The following CTPS1 variants were observed in gnomAD, a reference collection of about 807,000 sequenced individuals.
CTPS1 encodes the protein CTP synthase 1, also known as CTP synthetase 1.
A neutral mutation model predicts 80.5 loss-of-function variants in CTPS1; 25 were observed. The ratio of observed to expected loss-of-function variants is 0.31; its 90% CI spans 0.23 to 0.43. The LOEUF (loss-of-function observed/expected upper bound fraction) is 0.43, where lower values mean the gene tolerates loss of function less well. CTPS1 is among the 20% of genes least tolerant of loss of function. The pLI is 1.00. For missense variants in CTPS1, 442 were observed against 725.7 expected (o/e 0.61, Z 4.49); for synonymous variants, 267 against 252.5 (o/e 1.06, Z -0.54).
intron 1 of CTPS1, 23 bp from the exon 2 acceptor site, chr1:40,983,255 T>C: frequency 1.3e-6 from 2 of 1,599,834 alleles, no homozygotes; most frequent in Non-Finnish European, 1.7e-6. Flanking sequence ...ATTTATATCA[T>C]CTGTAATTTT....
At chr1:41,006,159 A>G in intron 13 of CTPS1, 65 bp downstream of exon 13, 2 of 1,334,868 alleles carry the variant, frequency 1.5e-6, no homozygotes, top group African/African-American at 1.4e-5. Context: ...TATGAACGTG[A>G]TTGATGATTA....
intron 3 of CTPS1, 97 bp downstream of exon 3, chr1:40,985,088 C>A: frequency 1.3e-6 from 1 of 777,454 alleles, no homozygotes; most frequent in Non-Finnish European, 1.8e-6. Context: ...CTTTTGAGTA[C>A]AGAAGTTTAC....
chr1:40,985,590 C>CT (rs1642431373), intron 3 of CTPS1, among the ~76,000 whole-genome samples: 1 of 152,066 alleles, frequency 6.6e-6, no homozygotes, highest in African/African-American at 2.4e-5. Flanking sequence ...TGGAAAACTA[C>CT]TGATCTAGTA....
At chr1:40,995,115 C>G (rs1292264199) in intron 7 of CTPS1, among the ~76,000 whole-genome samples, 1 of 152,152 alleles carries the variant, frequency 6.6e-6, no homozygotes, top group East Asian at 1.9e-4. Context: ...CTGAATGATT[C>G]CAATATGCAG....
At position 41,007,376 on chromosome 1, in the gene CTPS1, A is replaced by G; in HGVS notation, c.1297-73A>G. 7.7e-7 allele frequency: 1 copy of G among 1,295,156 alleles called. No individual in the cohort carries two copies. The highest frequency in any genetic ancestry group is 1.1e-6 in the Non-Finnish European group (1 of 897,578). The allele number at this position is 1,295,156 out of a possible 1,614,324, so 80.2% of individuals were successfully genotyped here. A position where few individuals can be genotyped will look rare whatever the true frequency, so the allele number is the denominator to read the frequency against. ...GCTTACTTACAAGCCTTTGCCACCC[A>G]CTCAGCGAGGGAGGTTTCTCTCTAG... On this transcript the variant is annotated intron_variant, in intron 13 of 18. Coordinates refer to ENST00000650070, the MANE Select transcript of CTPS1 (RefSeq NM_001905.4). The surrounding 1 kb of genome is among the most constrained non-coding windows in gnomAD (Gnocchi z 4.4).
At chr1:40,982,112 G>A (rs1360286375) in intron 1 of CTPS1, 3 of 702,530 alleles carry the variant, frequency 4.3e-6, no homozygotes, top group Non-Finnish European at 6.3e-6. Flanking sequence ...ATCCTCCGTG[G>A]TGAGCCTGTC....
intron 10 of CTPS1, 70 bp from the exon 11 acceptor site, chr1:41,002,090 G>A (rs933311489): frequency 2.3e-5 from 32 of 1,380,114 alleles, no homozygotes; most frequent in Non-Finnish European, 1.6e-5. Context: ...GTAATGGCCC[G>A]TTAGGCGATT....
Position 40,997,470 on chromosome 1 carries a change from G to A in CTPS1, c.949G>A (p.Val317Ile), listed in dbSNP as rs761980609. The change falls in exon 9 of 19, where the codon GTC becomes ATC. Residue 317 changes from valine to isoleucine, a missense_variant. Transcript: ENST00000650070. ...YTKFSDSYAS[V>I]IKALEHSALA... is the part of the protein sequence containing the mutation. ...GAAGTTCTCAGACTCCTATGCCTCT[G>A]TCATTAAGGCTCTGGAGCATTCTGC... 3.1e-6 allele frequency: 5 copies of A among 1,614,072 alleles called. No homozygotes were observed. In the South Asian group the frequency reaches 5.5e-5, roughly 18 times the overall value.
chr1:40,992,835 A>G (rs1642650193), intron 7 of CTPS1, among the ~76,000 whole-genome samples: 1 of 151,674 alleles, frequency 6.6e-6, no homozygotes, highest in Non-Finnish European at 1.5e-5. Context: ...CTTGGATTAC[A>G]GGTGTGCACC....
At chr1:41,010,044 C>T (rs1643130019) in intron 17 of CTPS1, 117 bp from the exon 18 acceptor site, 1 of 653,732 alleles carries the variant, frequency 1.5e-6, no homozygotes, top group Non-Finnish European at 2.8e-6. Context: ...AGCAAACAGT[C>T]TTTGTGATTC....
At chr1:40,999,350 G>A (rs975707825) in intron 9 of CTPS1, among the ~76,000 whole-genome samples, 2 of 152,188 alleles carry the variant, frequency 1.3e-5, no homozygotes, top group African/African-American at 4.8e-5. Context: ...TTACCCTGAG[G>A]TTCAGGAAAC....
chr1:40,981,620 G>T (rs1032152608), intron 1 of CTPS1, among the ~76,000 whole-genome samples: 2 of 152,196 alleles, frequency 1.3e-5, no homozygotes, highest in Non-Finnish European at 2.9e-5. Flanking sequence ...ATACTGTATA[G>T]CAGTGATCAC....
intron 1 of CTPS1, chr1:40,981,226 T>C (rs1419244363): frequency 6.6e-6 from 1 of 152,204 alleles, no homozygotes; most frequent in Non-Finnish European, 1.5e-5. Flanking sequence ...ACAGTAGCTG[T>C]CATGTAAGTC....
chr1:41,010,115 T>G, intron 17 of CTPS1, 46 bp from the exon 18 acceptor site: 90 of 1,409,444 alleles, frequency 6.4e-5, no homozygotes, highest in Non-Finnish European at 8.4e-5. Flanking sequence ...GGACGTAAAG[T>G]GAGTTTTTGG....
intron 4 of CTPS1, among the ~76,000 whole-genome samples, chr1:40,988,084 G>A (rs1642504539): frequency 1.3e-5 from 2 of 151,912 alleles, no homozygotes; most frequent in Non-Finnish European, 2.9e-5. Flanking sequence ...GCTAGTTTTT[G>A]TACTTTTTTG....
At chr1:40,984,375 G>T (rs543712610) in intron 2 of CTPS1, among the ~76,000 whole-genome samples, 1 of 152,278 alleles carries the variant, frequency 6.6e-6, no homozygotes, top group East Asian at 1.9e-4. Context: ...AGCAGAGCTC[G>T]GAAGCTGATT....
intron 5 of CTPS1, among the ~76,000 whole-genome samples, chr1:40,990,807 C>T (rs1284948743): frequency 2.0e-5 from 3 of 152,104 alleles, no homozygotes; most frequent in Admixed American, 6.5e-5. Context: ...GGACTGCAGG[C>T]ACAGGAAAGT....
chr1:40,989,589 A>C (rs1642549613), intron 5 of CTPS1, among the ~76,000 whole-genome samples: 1 of 152,176 alleles, frequency 6.6e-6, no homozygotes, highest in Admixed American at 6.5e-5. Flanking sequence ...GGTAGCATTT[A>C]AGCAGGCCTC....
At chr1:40,989,775 G>C (rs1642554380) in intron 5 of CTPS1, among the ~76,000 whole-genome samples, 1 of 152,140 alleles carries the variant, frequency 6.6e-6, no homozygotes, top group Non-Finnish European at 1.5e-5. Context: ...TATCCGTTAG[G>C]TAAGAACTGG....
Sources: allele counts gnomAD v4.1 joint callset (sites outside exome capture counted in the v4.1 genomes callset), GRCh38; gene constraint gnomAD v4.1.1; non-coding constraint Gnocchi (gnomAD v3.1); transcripts MANE v1.5; gene names NCBI Gene and HGNC (gene_info 2026-07-23, HGNC 2026-07-21).